The following ITGBL1 variants were observed in gnomAD, a reference collection of about 807,000 sequenced individuals.
The protein encoded by ITGBL1 is integrin subunit beta like 1, also known as integrin beta-like protein 1.
Under a neutral mutation model 68.5 loss-of-function variants are expected in ITGBL1, and 51 were observed. The observed-to-expected ratio is 0.74, with a 90% CI of 0.59 to 0.94. ITGBL1 has a LOEUF of 0.94. Ranked by LOEUF, ITGBL1 falls within the 40% of genes least tolerant of loss-of-function variation. The pLI is 0.00. For missense variants in ITGBL1, 649 were observed against 647.4 expected (o/e 1.00, Z -0.03); for synonymous variants, 209 against 227.3 (o/e 0.92, Z 0.72).
rs138169769 is a variant in ITGBL1 at position 101,684,524 on chromosome 13, G to T, written c.1016-8061G>T. On this transcript the variant is annotated intron_variant, in intron 7 of 10. Coordinates refer to ENST00000376180, the MANE Select transcript of ITGBL1 (RefSeq NM_004791.3). Reference sequence around the variant, plus strand: ...CTCAAAGCTTTCATTTGTCTATGCTGCATATACATATGTGATTTATTTTTG... The same window carrying T: ...CTCAAAGCTTTCATTTGTCTATGCTTCATATACATATGTGATTTATTTTTG... 2.3e-4 allele frequency among the ~76,000 whole-genome samples: 35 copies of T among 152,000 alleles called. No homozygotes were observed. In the East Asian group the frequency reaches 6.6e-3, roughly 29 times the overall value.
chr13:101,474,463 A>G (rs1362497957), intron 2 of ITGBL1, among the ~76,000 whole-genome samples: 1 of 152,182 alleles, frequency 6.6e-6, no homozygotes, highest in African/African-American at 2.4e-5. Flanking sequence ...CATGGACAGC[A>G]TTTCTGGGCC....
chr13:101,598,403 C>A, intron 7 of ITGBL1, 104 bp downstream of exon 7: 1 of 974,858 alleles, frequency 1.0e-6, no homozygotes, highest in Non-Finnish European at 1.4e-6. Flanking sequence ...TTGTTTTCTG[C>A]TTTTTGGTTT....
intron 2 of ITGBL1, among the ~76,000 whole-genome samples, chr13:101,495,617 G>A (rs1026665834): frequency 1.3e-5 from 2 of 150,944 alleles, no homozygotes; most frequent in African/African-American, 5.0e-5. Flanking sequence ...ACTAGCAAAA[G>A]GGATTTTTTT....
intron 2 of ITGBL1, among the ~76,000 whole-genome samples, chr13:101,456,834 G>A (rs916178870): frequency 2.0e-5 from 3 of 152,174 alleles, no homozygotes; most frequent in African/African-American, 7.2e-5. Flanking sequence ...AGAATCGCTT[G>A]AACCCGGCAG....
In ITGBL1 at chr13:101,567,993, GA is replaced by G. The variant is rs540631820; in HGVS notation, c.463+156del. Reference sequence around the variant, plus strand: ...GAAGTGAAATTCAGATAAATCAATAGAAAAAAAATGCCATCTTGCTGAGACT... The same window carrying G: ...GAAGTGAAATTCAGATAAATCAATAGAAAAAAATGCCATCTTGCTGAGACT... On this transcript the variant is annotated intron_variant, in intron 3 of 10. Coordinates refer to ENST00000376180, the MANE Select transcript of ITGBL1 (RefSeq NM_004791.3). 292 of 661,640 alleles carry G rather than the reference GA, an allele frequency of 4.4e-4. 1 individual carries two copies. In the African/African-American group the frequency reaches 4.6e-3, roughly 10 times the overall value. The allele number at this position is 661,640 out of a possible 1,614,324, so 41.0% of individuals were successfully genotyped here. A position where few individuals can be genotyped will look rare whatever the true frequency, so the allele number is the denominator to read the frequency against.
intron 2 of ITGBL1, among the ~76,000 whole-genome samples, chr13:101,541,523 G>T (rs756891598): frequency 5.9e-5 from 9 of 152,060 alleles, no homozygotes; most frequent in Admixed American, 5.9e-4. Context: ...TCTTTTTGTT[G>T]TTGTGTCTCT....
intron 2 of ITGBL1, among the ~76,000 whole-genome samples, chr13:101,522,338 C>T (rs2049300003): frequency 1.3e-5 from 2 of 152,124 alleles, no homozygotes; most frequent in South Asian, 4.1e-4. Flanking sequence ...ATCCACAAAG[C>T]TACACTACAA....
intron 7 of ITGBL1, among the ~76,000 whole-genome samples, chr13:101,630,551 A>G (rs916537456): frequency 4.6e-5 from 7 of 152,192 alleles, no homozygotes; most frequent in East Asian, 1.9e-4. Flanking sequence ...GGTTTCTTCA[A>G]CGTCACATCT....
intron 7 of ITGBL1, among the ~76,000 whole-genome samples, chr13:101,618,633 A>G (rs1024867452): frequency 6.6e-6 from 1 of 152,148 alleles, no homozygotes; most frequent in East Asian, 1.9e-4. Context: ...CACTTTCTGT[A>G]TCACACCTAC....
In ITGBL1 at chr13:101,709,366, C is replaced by T. The variant is rs377664075; in HGVS notation, c.1279+2464C>T. On this transcript the variant is annotated intron_variant, in intron 9 of 10. Transcript: ENST00000376180. ...CGGCCTGGGTGACAGAGCGAGACTC[C>T]GTCTCAAAAAAAAAAAAAAAAAAAA... Among the ~76,000 whole-genome samples the T allele has an allele frequency of 9.5e-3, 620 of 64,964 alleles. 10 individuals are homozygous for T. The highest frequency in any genetic ancestry group is 0.043 in the African/African-American group (545 of 12,778). 42.6% of individuals were successfully genotyped at this position (64,964 alleles called of 152,430 possible).
intron 7 of ITGBL1, among the ~76,000 whole-genome samples, chr13:101,661,399 G>A (rs2033086694): frequency 6.6e-6 from 1 of 151,986 alleles, no homozygotes; most frequent in South Asian, 2.1e-4. Context: ...CCTACTCCCC[G>A]GCTTACTCAG....
chr13:101,527,711 A>G (rs1325836407), intron 2 of ITGBL1, among the ~76,000 whole-genome samples: 1 of 152,048 alleles, frequency 6.6e-6, no homozygotes, highest in Admixed American at 6.6e-5. Context: ...CATTCTAATA[A>G]TGTGCTCAAC....
intron 2 of ITGBL1, among the ~76,000 whole-genome samples, chr13:101,528,529 C>G (rs1193632876): frequency 6.6e-6 from 1 of 151,426 alleles, no homozygotes; most frequent in Admixed American, 6.6e-5. Flanking sequence ...TTCTTCTTTT[C>G]CTAGATTCAT....
chr13:101,696,463 G>A (rs541911418), intron 8 of ITGBL1, among the ~76,000 whole-genome samples: 14 of 152,302 alleles, frequency 9.2e-5, no homozygotes, highest in Middle Eastern at 3.4e-3. Context: ...GAGAGCAACA[G>A]AGATGGAGAA....
At chr13:101,490,067 A>G in intron 2 of ITGBL1, 3 of 972,096 alleles carry the variant, frequency 3.1e-6, no homozygotes, top group Non-Finnish European at 4.7e-6. Flanking sequence ...TTTACCCCCA[A>G]AATTCTGTGT....
chr13:101,579,545 CTTTG>C, intron 5 of ITGBL1, 118 bp downstream of exon 5: 3 of 1,039,048 alleles, frequency 2.9e-6, no homozygotes, highest in Non-Finnish European at 4.1e-6. Context: ...TAACCATTTA[CTTTG>C]ATGTAAATCA....
chr13:101,589,942 A>T (rs1373665651), intron 6 of ITGBL1, among the ~76,000 whole-genome samples: 5 of 152,202 alleles, frequency 3.3e-5, no homozygotes, highest in Non-Finnish European at 5.9e-5. Context: ...CATCAGAAAT[A>T]GCAATGGGAT....
chr13:101,615,344 CTAGGTGGACA>C (rs2031308816), intron 7 of ITGBL1, among the ~76,000 whole-genome samples: 1 of 152,074 alleles, frequency 6.6e-6, no homozygotes, highest in Admixed American at 6.6e-5. Flanking sequence ...CCCTGGGGTC[CTAGGTGGACA>C]TGAATTTTGA....
intron 2 of ITGBL1, among the ~76,000 whole-genome samples, chr13:101,558,490 A>G (rs1256169625): frequency 2.0e-5 from 3 of 152,220 alleles, no homozygotes; most frequent in Non-Finnish European, 2.9e-5. Context: ...TCTGACAAAT[A>G]GAGTCTTAGA....
Sources: allele counts gnomAD v4.1 joint callset (sites outside exome capture counted in the v4.1 genomes callset), GRCh38; gene constraint gnomAD v4.1.1; transcripts MANE v1.5; gene names NCBI Gene and HGNC (gene_info 2026-07-23, HGNC 2026-07-21).